The following MAML3 variants were observed in gnomAD, a reference collection of about 807,000 sequenced individuals.
MAML3 encodes mastermind like transcriptional coactivator 3.
Under a neutral mutation model 101.9 loss-of-function variants are expected in MAML3, and 27 were observed. That is an observed-to-expected ratio of 0.27 (90% confidence interval 0.20 to 0.37). MAML3 has a LOEUF of 0.37. Ranked by LOEUF, MAML3 falls within the 10% of genes least tolerant of loss-of-function variation. The pLI is 1.00. For synonymous variants in MAML3, 501 were observed against 555.9 expected (o/e 0.90, Z 1.39); for missense variants, 1,316 against 1,444.9 (o/e 0.91, Z 1.45).
chr4:139,848,410 A>G (rs1010334989), intron 2 of MAML3, among the ~76,000 whole-genome samples: 1 of 152,230 alleles, frequency 6.6e-6, no homozygotes, highest in Non-Finnish European at 1.5e-5. Flanking sequence ...AGATATATGC[A>G]TCTACAAACA....
intron 1 of MAML3, among the ~76,000 whole-genome samples, chr4:140,068,222 G>A (rs1294636829): frequency 6.6e-6 from 1 of 152,136 alleles, no homozygotes; most frequent in Non-Finnish European, 1.5e-5. Flanking sequence ...TTGGTGCCAT[G>A]TTTTGCAACT....
chr4:140,098,913 T>C (rs1728204130), intron 1 of MAML3, among the ~76,000 whole-genome samples: 1 of 152,216 alleles, frequency 6.6e-6, no homozygotes, highest in South Asian at 2.1e-4. Flanking sequence ...CAGAGGAAGT[T>C]CCCACATGAA....
At chr4:140,129,782 TG>T (rs1230315653) in intron 1 of MAML3, among the ~76,000 whole-genome samples, 4 of 152,092 alleles carry the variant, frequency 2.6e-5, no homozygotes, top group Admixed American at 2.6e-4. Flanking sequence ...CTGGCCAACA[TG>T]GTGAAACCCC....
chr4:139,840,566 A>G (rs1231183522), intron 2 of MAML3, among the ~76,000 whole-genome samples: 2 of 152,216 alleles, frequency 1.3e-5, no homozygotes, highest in African/African-American at 4.8e-5. Flanking sequence ...GAAGGGATCC[A>G]GTTCCCAAGG....
intron 2 of MAML3, among the ~76,000 whole-genome samples, chr4:139,814,120 G>A (rs543315467): frequency 3.8e-4 from 57 of 151,870 alleles, no homozygotes; most frequent in African/African-American, 1.2e-3. Context: ...AAGAGGAAGC[G>A]TATCTGAGAG....
chr4:140,132,387 A>G (rs1728809980), intron 1 of MAML3, among the ~76,000 whole-genome samples: 1 of 152,242 alleles, frequency 6.6e-6, no homozygotes. Flanking sequence ...AAGAAAGGAA[A>G]AACAAAGATG....
chr4:139,773,751 T>G (rs1730040096), intron 2 of MAML3, among the ~76,000 whole-genome samples: 1 of 152,240 alleles, frequency 6.6e-6, no homozygotes, highest in Admixed American at 6.5e-5. Context: ...CCTTTCCATG[T>G]ATCATATTGA....
chr4:139,769,296 A>G (rs377102891), intron 2 of MAML3, among the ~76,000 whole-genome samples: 1 of 152,176 alleles, frequency 6.6e-6, no homozygotes, highest in Non-Finnish European at 1.5e-5. Context: ...CCCCGAATCC[A>G]GAGGTAGTAG....
intron 2 of MAML3, among the ~76,000 whole-genome samples, chr4:139,754,680 C>A (rs1367725566): frequency 2.6e-5 from 4 of 152,046 alleles, no homozygotes; most frequent in African/African-American, 9.7e-5. Flanking sequence ...TTATCAAATA[C>A]CCTCTGGAAA....
chr4:139,720,134 G>A lies in MAML3; in HGVS notation c.2606C>T (p.Pro869Leu). 6.2e-7 allele frequency: 1 copy of A among 1,614,066 alleles called. No homozygotes were observed. The highest frequency in any genetic ancestry group is 8.5e-7 in the Non-Finnish European group (1 of 1,179,910). The change falls in exon 5 of 5, where the codon CCA becomes CTA. Residue 869 changes from proline (P) to leucine (L), a missense_variant. Pro to Leu is a moderately conservative substitution (Grantham distance 98). Transcript: ENST00000509479. ...GCCTGTGCTCATATTGTACATTCCT[G>A]GTTGGCTGGTAGGCGTGGTGCTATA... ...APYSTTPTSQPGMYNMSTGMT... is the reference protein window; with the variant it reads ...APYSTTPTSQLGMYNMSTGMT...
intron 2 of MAML3, among the ~76,000 whole-genome samples, chr4:139,749,204 A>G (rs1729420839): frequency 6.6e-6 from 1 of 152,260 alleles, no homozygotes; most frequent in Non-Finnish European, 1.5e-5. Context: ...CCAATTATAT[A>G]AAATTATAGC....
chr4:139,717,919 C>T lies in MAML3; in HGVS notation c.*1404G>A, dbSNP rs115815850. ...GATGTGCGTCAATTGCAGAGAACAACTGTACAGGACTTTGGAAGAGGACTA... is the reference window on the plus strand; with the variant it reads ...GATGTGCGTCAATTGCAGAGAACAATTGTACAGGACTTTGGAAGAGGACTA... On this transcript the variant is annotated 3_prime_UTR_variant, in exon 5 of 5. Transcript: ENST00000509479. The T allele has an allele frequency of 0.025, 3,766 of 152,294 alleles. 75 individuals are homozygous for T. Among genetic ancestry groups the T allele is most frequent in the South Asian group, 0.035 (167 of 4,824 alleles). 9.4% of individuals were successfully genotyped at this position (152,294 alleles called of 1,614,324 possible).
In MAML3 at chr4:139,756,675, T is replaced by C. The variant is rs533588432; in HGVS notation, c.2080-26008A>G. ...CCAGCATGGACAGCTCTTTGCTCAC[T>C]GCACCTTCCCCCTACATTCTCTGCA... is the stretch of plus-strand genomic sequence containing the variant. On this transcript the variant is annotated intron_variant, in intron 2 of 4. Coordinates refer to ENST00000509479, the MANE Select transcript of MAML3 (RefSeq NM_018717.5). Among the ~76,000 whole-genome samples the C allele has an allele frequency of 4.2e-4, 64 of 152,340 alleles. No individual in the cohort carries two copies. In the South Asian group the frequency reaches 0.012, roughly 28 times the overall value.
chr4:139,722,589 A>AC (rs1728280014), intron 4 of MAML3, among the ~76,000 whole-genome samples: 1 of 152,196 alleles, frequency 6.6e-6, no homozygotes, highest in Non-Finnish European at 1.5e-5. Context: ...ATAGTATCCA[A>AC]CTTTTTCCTA....
intron 2 of MAML3, among the ~76,000 whole-genome samples, chr4:139,746,018 G>A (rs990040216): frequency 2.6e-5 from 4 of 152,160 alleles, no homozygotes; most frequent in Non-Finnish European, 5.9e-5. Flanking sequence ...AAGAAGTCCT[G>A]ACAAGTAATA....
intron 2 of MAML3, among the ~76,000 whole-genome samples, chr4:139,863,131 CAG>C (rs1446441787): frequency 8.3e-6 from 1 of 119,768 alleles, no homozygotes; most frequent in East Asian, 2.6e-4. Context: ...GCCTGGGTGA[CAG>C]AGTGAGACTC....
intron 1 of MAML3, among the ~76,000 whole-genome samples, chr4:140,024,342 C>T (rs1396908030): frequency 6.6e-6 from 1 of 152,008 alleles, no homozygotes; most frequent in Non-Finnish European, 1.5e-5. Context: ...ATCTCCCTGT[C>T]TCAGCCTCTG....
At chr4:139,841,941 G>A (rs1397665115) in intron 2 of MAML3, among the ~76,000 whole-genome samples, 2 of 152,212 alleles carry the variant, frequency 1.3e-5, no homozygotes, top group East Asian at 3.8e-4. Flanking sequence ...CTGGGCTAGA[G>A]ACAACCGATG....
chr4:140,145,870 T>TCTTTTTC (rs1455213530), intron 1 of MAML3, among the ~76,000 whole-genome samples: 1 of 49,156 alleles, frequency 2.0e-5, no homozygotes, highest in Non-Finnish European at 4.5e-5. Context: ...GCCTTTTTTT[T>TCTTTTTC]CTTTTTTCTT....
Sources: allele counts gnomAD v4.1 joint callset (sites outside exome capture counted in the v4.1 genomes callset), GRCh38; gene constraint gnomAD v4.1.1; transcripts MANE v1.5; gene names NCBI Gene and HGNC (gene_info 2026-07-23, HGNC 2026-07-21).